Variants in OSBPL1A observed in about 807,000 individuals in gnomAD.
OSBPL1A encodes the protein oxysterol binding protein like 1A, also known as oxysterol-binding protein-related protein 1.
OSBPL1A carries 80 observed loss-of-function variants against 137.1 expected under a neutral mutation model. The ratio of observed to expected loss-of-function variants is 0.58; its 90% CI spans 0.49 to 0.70. The LOEUF (loss-of-function observed/expected upper bound fraction) is 0.70, where lower values mean the gene tolerates loss of function less well. Ranked by LOEUF, OSBPL1A falls within the 30% of genes least tolerant of loss-of-function variation. OSBPL1A has a pLI of 0.00. For missense variants in OSBPL1A, 970 were observed against 1,129.4 expected (o/e 0.86, Z 2.02); for synonymous variants, 365 against 389.7 (o/e 0.94, Z 0.75).
At chr18:24,287,956 C>T (rs909954519) in intron 14 of OSBPL1A, among the ~76,000 whole-genome samples, 9 of 152,280 alleles carry the variant, frequency 5.9e-5, no homozygotes, top group Middle Eastern at 3.4e-3. Context: ...GTGCCCTGTA[C>T]GACAGGCCTG....
chr18:24,171,673 G>A (rs974440132), intron 22 of OSBPL1A, among the ~76,000 whole-genome samples, 175 bp from the exon 23 acceptor site: 4 of 152,138 alleles, frequency 2.6e-5, no homozygotes, highest in Non-Finnish European at 4.4e-5. Context: ...CCACCATAAA[G>A]AAAAGGTATG....
intron 17 of OSBPL1A, among the ~76,000 whole-genome samples, chr18:24,210,329 G>T (rs2087499053): frequency 6.6e-6 from 1 of 152,096 alleles, no homozygotes. Context: ...GGAGGCTGAG[G>T]CAGGAGAATC....
At chr18:24,295,520 A>G (rs1033069734) in intron 14 of OSBPL1A, among the ~76,000 whole-genome samples, 1 of 152,222 alleles carries the variant, frequency 6.6e-6, no homozygotes, top group East Asian at 1.9e-4. Flanking sequence ...ATTATCTTCT[A>G]GAATTGTTAG....
At chr18:24,299,709 A>G (rs978158542) in intron 14 of OSBPL1A, among the ~76,000 whole-genome samples, 1 of 152,198 alleles carries the variant, frequency 6.6e-6, no homozygotes, top group African/African-American at 2.4e-5. Context: ...GGTAACTTAT[A>G]AAGGATTTTT....
Position 24,170,024 on chromosome 18 carries a change from G to A in OSBPL1A, c.2418+303C>T, listed in dbSNP as rs141424882. 8.9e-3 allele frequency among the ~76,000 whole-genome samples: 1,360 copies of A among 152,248 alleles called. 26 individuals are homozygous for A. Among genetic ancestry groups the A allele is most frequent in the African/African-American group, 0.032 (1,312 of 41,516 alleles). ...TTTCAACTTTCAATGCACATAAACA[G>A]GAGGAAAAGAAAATGTTTCATTAAG... On this transcript the variant is annotated intron_variant, in intron 24 of 27. Coordinates refer to ENST00000319481, the MANE Select transcript of OSBPL1A (RefSeq NM_080597.4).
chr18:24,194,565 T>TA (rs1567935934), intron 18 of OSBPL1A, among the ~76,000 whole-genome samples: 5 of 152,352 alleles, frequency 3.3e-5, no homozygotes, highest in African/African-American at 1.2e-4. Flanking sequence ...TCTGTCTATA[T>TA]ACATTTGCTT....
intron 15 of OSBPL1A, among the ~76,000 whole-genome samples, chr18:24,277,969 G>A (rs1031983995): frequency 3.9e-5 from 6 of 152,082 alleles, no homozygotes; most frequent in Admixed American, 2.0e-4. Context: ...TGTGTTCCAC[G>A]CAGTATGCTA....
chr18:24,333,129 T>C (rs748751087), intron 6 of OSBPL1A, 43 bp from the exon 7 acceptor site: 3 of 1,591,392 alleles, frequency 1.9e-6, no homozygotes, highest in South Asian at 1.1e-5. Flanking sequence ...ATATCAAAGA[T>C]AGACTTTCCT....
intron 24 of OSBPL1A, among the ~76,000 whole-genome samples, chr18:24,169,642 T>C (rs745401418): frequency 4.5e-4 from 69 of 152,150 alleles, no homozygotes; most frequent in Non-Finnish European, 8.2e-4. Context: ...TAACCCAGAG[T>C]TTGTGCTCGG....
intron 14 of OSBPL1A, among the ~76,000 whole-genome samples, chr18:24,293,413 G>T (rs1049082588): frequency 1.3e-5 from 2 of 152,120 alleles, no homozygotes; most frequent in Admixed American, 6.6e-5. Flanking sequence ...CCGTCCCTCC[G>T]CAGGTCTCCC....
chr18:24,339,277 G>C (rs2091235265), intron 5 of OSBPL1A, among the ~76,000 whole-genome samples: 1 of 152,118 alleles, frequency 6.6e-6, no homozygotes, highest in Non-Finnish European at 1.5e-5. Flanking sequence ...CAGCCCCTAT[G>C]ACATGGTTTC....
intron 14 of OSBPL1A, among the ~76,000 whole-genome samples, chr18:24,283,004 G>A (rs1298446709): frequency 3.9e-5 from 6 of 152,018 alleles, no homozygotes; most frequent in East Asian, 1.9e-4. Flanking sequence ...AGCTACTTGG[G>A]AGGCTGAGGC....
In OSBPL1A at chr18:24,303,539, A is replaced by G. The variant is rs549874917; in HGVS notation, c.1174+98T>C. On this transcript the variant is annotated intron_variant, in intron 14 of 27. Coordinates refer to ENST00000319481, the MANE Select transcript of OSBPL1A (RefSeq NM_080597.4). ...TTTATCAAATATAACTCTTAATTCA[A>G]AACCAAAAACTGTTTAAAAATGAAG... The G allele has an allele frequency of 9.0e-6, 9 of 1,004,356 alleles. No homozygotes were observed. In the African/African-American group the frequency reaches 1.4e-4, roughly 16 times the overall value. 62.2% of individuals were successfully genotyped at this position (1,004,356 alleles called of 1,614,324 possible). A position where few individuals can be genotyped will look rare whatever the true frequency, so the allele number is the denominator to read the frequency against.
chr18:24,375,146 T>G (rs1048295831), intron 2 of OSBPL1A, among the ~76,000 whole-genome samples: 1 of 151,658 alleles, frequency 6.6e-6, no homozygotes, highest in Non-Finnish European at 1.5e-5. Context: ...AAGATCCCGT[T>G]TCTACAAGAA....
intron 17 of OSBPL1A, among the ~76,000 whole-genome samples, chr18:24,216,375 C>T (rs1294828866): frequency 2.0e-5 from 3 of 152,248 alleles, no homozygotes; most frequent in East Asian, 1.9e-4. Flanking sequence ...GGCGTGGCAG[C>T]GTGTGCCTGC....
chr18:24,168,950 C>T (rs890831563), intron 24 of OSBPL1A, among the ~76,000 whole-genome samples: 1 of 152,250 alleles, frequency 6.6e-6, no homozygotes, highest in African/African-American at 2.4e-5. Context: ...GGAAGGCAAG[C>T]ATGTTGGGGA....
intron 15 of OSBPL1A, among the ~76,000 whole-genome samples, chr18:24,261,275 T>C (rs1356319755): frequency 6.6e-6 from 1 of 152,166 alleles, no homozygotes; most frequent in Non-Finnish European, 1.5e-5. Context: ...GAATAAGGGA[T>C]ATTACAAAGA....
chr18:24,200,110 T>A (rs1400966050), intron 17 of OSBPL1A, among the ~76,000 whole-genome samples: 2 of 152,240 alleles, frequency 1.3e-5, no homozygotes, highest in African/African-American at 4.8e-5. Context: ...GATGTTATAC[T>A]TTTTTCCATA....
chr18:24,216,913 T>C (rs1041765903), intron 17 of OSBPL1A, among the ~76,000 whole-genome samples: 5 of 152,178 alleles, frequency 3.3e-5, no homozygotes, highest in Non-Finnish European at 5.9e-5. Context: ...CTTAGAGAAA[T>C]AGCTGACTCT....
Sources: allele counts gnomAD v4.1 joint callset (sites outside exome capture counted in the v4.1 genomes callset), GRCh38; gene constraint gnomAD v4.1.1; transcripts MANE v1.5; gene names NCBI Gene and HGNC (gene_info 2026-07-23, HGNC 2026-07-21).